The following TDRD9 variants were observed in gnomAD, a reference collection of about 807,000 sequenced individuals.
TDRD9 encodes tudor domain containing 9, also known as ATP-dependent RNA helicase TDRD9.
TDRD9 carries 124 observed loss-of-function variants against 172.6 expected under a neutral mutation model. The observed-to-expected ratio is 0.72, with a 90% CI of 0.62 to 0.83. TDRD9 has a LOEUF of 0.83. Among genes scored for constraint, TDRD9 ranks in the 40% least tolerant of loss-of-function variants. The pLI, the probability that TDRD9 is intolerant of heterozygous loss-of-function variation, is 0.00. For synonymous variants in TDRD9, 619 were observed against 617.1 expected (o/e 1.00, Z -0.05); for missense variants, 1,479 against 1,714.1 (o/e 0.86, Z 2.42).
intron 1 of TDRD9, among the ~76,000 whole-genome samples, chr14:103,955,320 C>T (rs958319600): frequency 6.6e-6 from 1 of 151,996 alleles, no homozygotes; most frequent in Non-Finnish European, 1.5e-5. Flanking sequence ...GAGCTATGAT[C>T]ACAGCACTGT....
At chr14:103,995,706 G>C (rs764753018) in intron 11 of TDRD9, 44 bp from the exon 12 acceptor site, 1 of 1,513,760 alleles carries the variant, frequency 6.6e-7, no homozygotes, top group Non-Finnish European at 8.9e-7. Context: ...AATGATGTTC[G>C]GAATATAGTA....
intron 32 of TDRD9, 142 bp downstream of exon 32, chr14:104,035,198 G>A: frequency 1.6e-6 from 1 of 623,410 alleles, no homozygotes; most frequent in Non-Finnish European, 2.8e-6. Flanking sequence ...GGTGAAGCCT[G>A]TATTGTTATT....
rs572317796 is a variant in TDRD9, at chr14:103,955,983, A to G, written c.322+213A>G. On this transcript the variant is annotated intron_variant, in intron 2 of 35. Coordinates refer to ENST00000409874, the MANE Select transcript of TDRD9 (RefSeq NM_153046.3). ...AAACTAGCTGGATGTGGTGGTGTACATCTGTAATCCCAGCTACTCGGGAGG... is the reference window on the plus strand; with the variant it reads ...AAACTAGCTGGATGTGGTGGTGTACGTCTGTAATCCCAGCTACTCGGGAGG... Among the ~76,000 whole-genome samples the G allele has an allele frequency of 2.7e-5, 4 of 147,362 alleles. No homozygotes were observed. In the South Asian group the frequency reaches 8.6e-4, roughly 32 times the overall value.
rs776284351 is a variant in TDRD9 at position 104,007,171 on chromosome 14, T to C, written c.2019T>C (p.Ala673=). The C allele has an allele frequency of 1.1e-5, 18 of 1,613,848 alleles. No homozygotes were observed. The East Asian group carries it at 3.8e-4, about 34-fold the overall frequency. ...TCCTTTATTTTCAGACATGGAAGGC[T>C]TGCAGACAGACAGGGGAGCTGCGGT... ...ALVEAFKTWK[A]CRQTGELRYP... The change falls in exon 19 of 36, where the codon GCT becomes GCC. Residue 673 remains alanine (A), a synonymous_variant. Transcript: ENST00000409874.
chr14:103,952,280 G>T (rs1191496605), intron 1 of TDRD9, among the ~76,000 whole-genome samples: 2 of 112,844 alleles, frequency 1.8e-5, no homozygotes, highest in African/African-American at 3.5e-5. Flanking sequence ...TCGCTCGTTC[G>T]CCCAGGCTGG....
chr14:104,008,377 CTTAATA>C, intron 19 of TDRD9, 30 bp from the exon 20 acceptor site: 1 of 1,195,520 alleles, frequency 8.4e-7, no homozygotes, highest in Non-Finnish European at 1.2e-6. Flanking sequence ...AATTTATTAC[CTTAATA>C]TTGAGTATTC....
At chr14:103,977,020 C>G (rs2033273133) in intron 7 of TDRD9, among the ~76,000 whole-genome samples, 1 of 152,036 alleles carries the variant, frequency 6.6e-6, no homozygotes, top group African/African-American at 2.4e-5. Context: ...CTGCACCCAG[C>G]CTTTATTTGT....
intron 1 of TDRD9, chr14:103,940,865 T>C (rs759177625): frequency 3.9e-6 from 6 of 1,535,336 alleles, no homozygotes; most frequent in South Asian, 1.2e-5. Flanking sequence ...ACTGGGAACC[T>C]GTCCTTTGTG....
intron 2 of TDRD9, among the ~76,000 whole-genome samples, chr14:103,957,690 C>CTTTA (rs1239772325): frequency 6.6e-6 from 1 of 152,174 alleles, no homozygotes; most frequent in Non-Finnish European, 1.5e-5. Flanking sequence ...TCTAATACTT[C>CTTTA]TGTTTGGAAA....
chr14:104,031,415 G>T (rs930757204), intron 29 of TDRD9, among the ~76,000 whole-genome samples, 152 bp downstream of exon 29: 1 of 145,850 alleles, frequency 6.9e-6, no homozygotes, highest in African/African-American at 2.5e-5. Flanking sequence ...ATAATAATAA[G>T]AAAAAACCCT....
At chr14:104,042,625 C>A (rs2035642329) in intron 34 of TDRD9, among the ~76,000 whole-genome samples, 1 of 152,162 alleles carries the variant, frequency 6.6e-6, no homozygotes, top group African/African-American at 2.4e-5. Context: ...CAAACCAAAC[C>A]AGAATGCAGA....
chr14:104,022,729 A>AAAATAAATAAAT (rs139166055), intron 24 of TDRD9, among the ~76,000 whole-genome samples: 32,486 of 145,784 alleles, frequency 0.22, 4,342 homozygotes, highest in East Asian at 0.3. Flanking sequence ...GCTGTCTTAA[A>AAAATAAATAAAT]AAATAAATAA....
intron 28 of TDRD9, among the ~76,000 whole-genome samples, chr14:104,029,015 C>T (rs2035205007): frequency 6.6e-6 from 1 of 152,092 alleles, no homozygotes; most frequent in South Asian, 2.1e-4. Flanking sequence ...TTTCTGGGTT[C>T]TCTATTCTGT....
intron 30 of TDRD9, among the ~76,000 whole-genome samples, chr14:104,033,086 TGTG>T (rs1441121250): frequency 1.3e-5 from 2 of 152,048 alleles, no homozygotes; most frequent in Admixed American, 1.3e-4. Flanking sequence ...GTGCCAAGCT[TGTG>T]GTAGACGAGG....
At position 103,965,256 on chromosome 14, in the gene TDRD9, T is replaced by C. The variant is rs2032684778; in HGVS notation, c.421-77T>C. 7 of 1,352,866 alleles carry C rather than the reference T, an allele frequency of 5.2e-6. No homozygotes were observed. In the South Asian group the frequency reaches 7.8e-5, roughly 15 times the overall value. 83.8% of individuals were successfully genotyped at this position (1,352,866 alleles called of 1,614,324 possible). A position where few individuals can be genotyped will look rare whatever the true frequency, so the allele number is the denominator to read the frequency against. On this transcript the variant is annotated intron_variant, in intron 3 of 35. Coordinates refer to ENST00000409874, the MANE Select transcript of TDRD9 (RefSeq NM_153046.3). Reference sequence around the variant, plus strand: ...TTTAAGATGAAAGAAAAATAAATCCTGAAAGACTTCTTAATATAGGTGATA... The same window carrying C: ...TTTAAGATGAAAGAAAAATAAATCCCGAAAGACTTCTTAATATAGGTGATA...
chr14:103,935,014 A>G (rs770186138), intron 1 of TDRD9, among the ~76,000 whole-genome samples: 1 of 152,186 alleles, frequency 6.6e-6, no homozygotes, highest in Non-Finnish European at 1.5e-5. Context: ...AGTCAGTTGA[A>G]GACCTGAATG....
chr14:103,972,384 T>C (rs188436482), intron 6 of TDRD9, among the ~76,000 whole-genome samples: 7 of 152,254 alleles, frequency 4.6e-5, no homozygotes, highest in African/African-American at 1.7e-4. Context: ...CCAAAGTGCA[T>C]TGAAATTTGA....
intron 8 of TDRD9, 70 bp downstream of exon 8, chr14:103,986,390 G>A (rs896164706): frequency 1.1e-5 from 13 of 1,142,604 alleles, no homozygotes; most frequent in East Asian, 7.6e-5. Context: ...ATTTGGAAAC[G>A]TTTTAGTGTT....
In TDRD9 at chr14:104,050,416, G is replaced by C. The variant is rs144090237; in HGVS notation, c.4047+736G>C. On this transcript the variant is annotated intron_variant, in intron 35 of 35. Coordinates refer to ENST00000409874, the MANE Select transcript of TDRD9 (RefSeq NM_153046.3). ...TGAAGAAGGACAAAGCCCTTCATAG[G>C]CTCCCTGGTACTTCCTGTCTGTAGG... 3.9e-3 allele frequency among the ~76,000 whole-genome samples: 599 copies of C among 152,294 alleles called. 6 individuals carry two copies. The highest frequency in any genetic ancestry group is 0.014 in the African/African-American group (577 of 41,546).
Sources: gnomAD v4.1 joint callset for allele counts (sites outside exome capture counted in the v4.1 genomes callset) on GRCh38, gnomAD v4.1.1 for gene constraint, MANE v1.5 for transcripts, NCBI Gene and HGNC (gene_info 2026-07-23, HGNC 2026-07-21) for gene names.